Variants in ABHD18 observed in about 807,000 individuals in gnomAD.
ABHD18 encodes abhydrolase domain containing 18, also known as cardiolipin-specific deacylase, mitochondrial.
A neutral mutation model predicts 65.9 loss-of-function variants in ABHD18; 55 were observed. The observed-to-expected ratio is 0.84, with a 90% CI of 0.67 to 1.05. The LOEUF (loss-of-function observed/expected upper bound fraction) is 1.05. Ranked by LOEUF, ABHD18 falls within the 50% of genes least tolerant of loss-of-function variation. The pLI is 0.00. For synonymous variants in ABHD18, 181 were observed against 180.2 expected (o/e 1.00, Z -0.04); for missense variants, 533 against 558.5 (o/e 0.95, Z 0.46).
At chr4:127,974,805 G>A (rs1488403872) in intron 1 of ABHD18, among the ~76,000 whole-genome samples, 2 of 151,684 alleles carry the variant, frequency 1.3e-5, no homozygotes, top group Admixed American at 1.3e-4. Context: ...GACCAGCCTG[G>A]CCAACACGGT....
At chr4:128,021,276 G>A in intron 10 of ABHD18, 38 bp downstream of exon 10, 1 of 1,194,460 alleles carries the variant, frequency 8.4e-7, no homozygotes, top group Non-Finnish European at 1.2e-6. Flanking sequence ...TGGTGGTGGG[G>A]GGAGTTGATT....
chr4:128,008,887 A>G (rs772181410), intron 4 of ABHD18, 33 bp from the exon 5 acceptor site: 5 of 1,483,160 alleles, frequency 3.4e-6, no homozygotes, highest in Non-Finnish European at 4.6e-6. Flanking sequence ...TTTAAAGAGA[A>G]TTTTATTGAT....
intron 4 of ABHD18, among the ~76,000 whole-genome samples, chr4:127,997,066 T>C (rs1222244227): frequency 1.3e-5 from 2 of 152,198 alleles, no homozygotes; most frequent in Non-Finnish European, 2.9e-5. Context: ...AAGACAGGCA[T>C]AAGAAATTAT....
At chr4:127,971,651 C>T (rs1197956610) in intron 1 of ABHD18, among the ~76,000 whole-genome samples, 4 of 151,884 alleles carry the variant, frequency 2.6e-5, no homozygotes, top group Admixed American at 1.3e-4. Context: ...CCACCACGCC[C>T]GGCTAGTTTT....
At chr4:128,035,706 G>A in intron 12 of ABHD18, 56 bp from the exon 13 acceptor site, 1 of 1,050,066 alleles carries the variant, frequency 9.5e-7, no homozygotes, top group Non-Finnish European at 1.4e-6. Flanking sequence ...TAAAGGCATT[G>A]TTTGTCCCCC....
At chr4:127,999,578 G>A (rs909328151) in intron 4 of ABHD18, among the ~76,000 whole-genome samples, 1 of 151,950 alleles carries the variant, frequency 6.6e-6, no homozygotes, top group African/African-American at 2.4e-5. Flanking sequence ...CTGGGTGATG[G>A]GATTATTATT....
chr4:128,016,814 A>G (rs896010646), intron 7 of ABHD18, among the ~76,000 whole-genome samples: 1 of 152,204 alleles, frequency 6.6e-6, no homozygotes, highest in Non-Finnish European at 1.5e-5. Context: ...ATTCTGTTAT[A>G]ATAATTTCAG....
At chr4:127,978,262 T>C (rs979162863) in intron 1 of ABHD18, among the ~76,000 whole-genome samples, 1 of 152,140 alleles carries the variant, frequency 6.6e-6, no homozygotes. Flanking sequence ...TATAGATTTC[T>C]AGATTTTAAA....
intron 4 of ABHD18, among the ~76,000 whole-genome samples, chr4:128,006,863 T>A (rs543057755): frequency 6.6e-6 from 1 of 152,284 alleles, no homozygotes. Context: ...GGCGGGAGGA[T>A]CACTTCAACC....
At chr4:128,017,104 G>C (rs542381462) in intron 7 of ABHD18, among the ~76,000 whole-genome samples, 1 of 152,176 alleles carries the variant, frequency 6.6e-6, no homozygotes, top group African/African-American at 2.4e-5. Context: ...TTTTAGTAAA[G>C]ACAAGGTTTC....
chr4:128,031,621 A>G (rs2149196675), intron 12 of ABHD18, among the ~76,000 whole-genome samples: 1 of 152,296 alleles, frequency 6.6e-6, no homozygotes, highest in East Asian at 1.9e-4. Flanking sequence ...AAAACTTCCA[A>G]CTGGATAGCT....
intron 11 of ABHD18, 85 bp downstream of exon 11, chr4:128,028,938 T>G (rs572067369): frequency 2.6e-6 from 3 of 1,138,104 alleles, no homozygotes; most frequent in South Asian, 3.9e-5. Context: ...ATAAGATAAT[T>G]TTATATTTTC....
At chr4:128,003,690 A>T (rs1049423379) in intron 4 of ABHD18, among the ~76,000 whole-genome samples, 1 of 152,080 alleles carries the variant, frequency 6.6e-6, no homozygotes, top group Non-Finnish European at 1.5e-5. Flanking sequence ...TAGAATGTGT[A>T]TGTATATTTT....
chr4:127,995,311 T>C (rs1159106802), intron 4 of ABHD18, among the ~76,000 whole-genome samples: 2 of 152,238 alleles, frequency 1.3e-5, no homozygotes, highest in Non-Finnish European at 2.9e-5. Context: ...CAAAAACAGC[T>C]ATCCTTTTCA....
chr4:127,983,047 G>A lies in ABHD18; in HGVS notation c.92G>A (p.Arg31Lys), dbSNP rs1389034663. The change falls in exon 2 of 13, where the codon AGA (arginine) becomes AAA (lysine). Residue 31 changes from arginine to lysine, a missense_variant and splice_region_variant. Physicochemically the swap from Arg to Lys is conservative, Grantham distance 26 (BLOSUM62 2). This residue lies in a region of ABHD18 where 309 missense variants were observed against 313.5 expected (regional missense o/e 0.99). Transcript: ENST00000645843. ...RGWGRPEDLKRLFEFRKMIGN... is the reference protein window; with the variant it reads ...RGWGRPEDLKKLFEFRKMIGN... ...TGGGGAAGGCCAGAAGATCTCAAAAGGCAAGCAATTTTTTTTCCTGAATAC... is the reference window on the plus strand; with the variant it reads ...TGGGGAAGGCCAGAAGATCTCAAAAAGCAAGCAATTTTTTTTCCTGAATAC... The A allele has an allele frequency of 3.2e-6, 5 of 1,550,552 alleles. No individual in the cohort carries two copies. The highest frequency in any genetic ancestry group is 1.4e-5 in the African/African-American group (1 of 73,052).
At chr4:128,020,056 C>A (rs190456502) in intron 8 of ABHD18, 24 bp from the exon 9 acceptor site, 7 of 1,484,766 alleles carry the variant, frequency 4.7e-6, no homozygotes, top group Non-Finnish European at 5.6e-6. Flanking sequence ...TCTAAATAGA[C>A]GCTCTCTATC....
rs1341877816 is a variant in ABHD18, at chr4:128,036,967, A to C, written c.*1154A>C. 6.6e-6 allele frequency: 1 copy of C among 151,686 alleles called. No homozygotes were observed. The highest frequency in any genetic ancestry group is 2.4e-5 in the African/African-American group (1 of 41,226). 9.4% of individuals were successfully genotyped at this position (151,686 alleles called of 1,614,324 possible). On this transcript the variant is annotated 3_prime_UTR_variant, in exon 13 of 13. Transcript: ENST00000645843. ...CCCCATGTCTACTAAAAGTACAAAA[A>C]AATTAGCCGGGCATTGTGGCGTGTG...
At chr4:127,995,176 G>C (rs866642817) in intron 4 of ABHD18, among the ~76,000 whole-genome samples, 4 of 152,156 alleles carry the variant, frequency 2.6e-5, no homozygotes, top group African/African-American at 9.7e-5. Context: ...CACTTGGCCC[G>C]GCCAGGCACT....
At chr4:128,015,728 G>A (rs528349108) in intron 7 of ABHD18, among the ~76,000 whole-genome samples, 7 of 152,044 alleles carry the variant, frequency 4.6e-5, no homozygotes, top group African/African-American at 1.2e-4. Context: ...CTGGCACCTG[G>A]TTCTTTGCAC....
Sources: gnomAD v4.1 joint callset for allele counts (sites outside exome capture counted in the v4.1 genomes callset) on GRCh38, gnomAD v4.1.1 for gene constraint, gnomAD v4.1.1 regional missense constraint, MANE v1.5 for transcripts, NCBI Gene and HGNC (gene_info 2026-07-23, HGNC 2026-07-21) for gene names.